MTFR1: variants seen among roughly 807,000 people sequenced by gnomAD.
MTFR1 encodes the protein mitochondrial fission regulator 1.
In MTFR1, 28 loss-of-function variants were observed where a neutral mutation model predicts 38.8. The ratio of observed to expected loss-of-function variants is 0.72; its 90% CI spans 0.53 to 0.99. MTFR1 has a LOEUF of 0.99. Ranked by LOEUF, MTFR1 falls within the 50% of genes least tolerant of loss-of-function variation. MTFR1 has a pLI of 0.00. For synonymous variants in MTFR1, 145 were observed against 137.0 expected (o/e 1.06, Z -0.41); for missense variants, 358 against 395.5 (o/e 0.91, Z 0.81).
At chr8:65,663,579 A>T (rs1425324588) in intron 1 of MTFR1, among the ~76,000 whole-genome samples, 1 of 151,736 alleles carries the variant, frequency 6.6e-6, no homozygotes, top group Non-Finnish European at 1.5e-5. Flanking sequence ...ACTTCACAAA[A>T]TAAGATCTCA....
At chr8:65,740,238 A>G (rs1282611175) in intron 3 of MTFR1, among the ~76,000 whole-genome samples, 1 of 152,156 alleles carries the variant, frequency 6.6e-6, no homozygotes, top group African/African-American at 2.4e-5. Flanking sequence ...AACACTGCCC[A>G]GCAATCATAT....
chr8:65,662,555 G>C lies in MTFR1; in HGVS notation c.-80-7318G>C, dbSNP rs1163701584. On this transcript the variant is annotated intron_variant, in intron 1 of 7. Transcript: ENST00000262146. ...AAGTGAGGAGCGTCTCTGCCTGGCCGCCCATCGTCTGGGATGTGAGGAGCC... is the reference window on the plus strand; with the variant it reads ...AAGTGAGGAGCGTCTCTGCCTGGCCCCCCATCGTCTGGGATGTGAGGAGCC... Among the ~76,000 whole-genome samples, 5 of 140,470 alleles carry C rather than the reference G, an allele frequency of 3.6e-5. 1 individual carries two copies. The highest frequency in any genetic ancestry group is 1.0e-4 in the African/African-American group (4 of 39,284). 92.2% of individuals were successfully genotyped at this position (140,470 alleles called of 152,430 possible).
At chr8:65,730,744 A>G (rs1183790228) in intron 3 of MTFR1, among the ~76,000 whole-genome samples, 5 of 152,022 alleles carry the variant, frequency 3.3e-5, no homozygotes, top group Non-Finnish European at 5.9e-5. Flanking sequence ...CCTGGCCATC[A>G]TGGCAAAACC....
chr8:65,685,298 G>A (rs1338392750), intron 3 of MTFR1, among the ~76,000 whole-genome samples: 1 of 152,138 alleles, frequency 6.6e-6, no homozygotes, highest in African/African-American at 2.4e-5. Context: ...CAGGGCAAGT[G>A]GACATCATTA....
rs574313814 is a variant in MTFR1, at chr8:65,649,036, A to G, written c.-81+4252A>G. Among the ~76,000 whole-genome samples the G allele has an allele frequency of 3.3e-5, 5 of 151,290 alleles. No homozygotes were observed. The South Asian group carries it at 1.0e-3, about 32-fold the overall frequency. On this transcript the variant is annotated intron_variant, in intron 1 of 7. Coordinates refer to ENST00000262146, the MANE Select transcript of MTFR1 (RefSeq NM_014637.4). The stretch of plus-strand genomic sequence containing the variant: ...TATTTGAAAAAACAATGATAAAATA[A>G]CAATATGACAATAAGAAACAATACA...
chr8:65,654,871 C>A (rs1295737286), intron 1 of MTFR1, among the ~76,000 whole-genome samples: 3 of 152,178 alleles, frequency 2.0e-5, no homozygotes, highest in Non-Finnish European at 4.4e-5. Flanking sequence ...GCCACCGTGC[C>A]TGGCCTGGCA....
chr8:65,749,763 T>TA (rs987493312), intron 3 of MTFR1, among the ~76,000 whole-genome samples: 1 of 152,230 alleles, frequency 6.6e-6, no homozygotes, highest in African/African-American at 2.4e-5. Context: ...ACACCTGGAT[T>TA]AAAAAACACA....
chr8:65,723,588 C>G (rs1484014895), intron 3 of MTFR1: 2 of 1,581,152 alleles, frequency 1.3e-6, no homozygotes, highest in African/African-American at 2.7e-5. Context: ...GCAAAGTGGA[C>G]TCACACCCAA....
chr8:65,776,721 C>T, the MTFR1 span, among the ~76,000 whole-genome samples: 3 of 152,176 alleles, frequency 2.0e-5, no homozygotes, highest in Non-Finnish European at 2.9e-5. Context: ...ACTCCCACTA[C>T]GTACTGACTT....
At position 65,690,998 on chromosome 8, in the gene MTFR1, CT is replaced by C. The variant is rs561878887; in HGVS notation, c.166-2645del. 3.7e-4 allele frequency among the ~76,000 whole-genome samples: 56 copies of C among 152,242 alleles called. 1 individual carries two copies. In the South Asian group the frequency reaches 0.012, roughly 32 times the overall value. On this transcript the variant is annotated intron_variant, in intron 3 of 7. Coordinates refer to ENST00000262146, the MANE Select transcript of MTFR1 (RefSeq NM_014637.4). The stretch of plus-strand genomic sequence containing the variant: ...GTAATGGGTAGGAACAGAACATTAC[CT>C]GATTTCTCAACTCTTGAGATCAAAT...
At chr8:65,715,922 G>T (rs1250363858) in intron 2 of MTFR1, among the ~76,000 whole-genome samples, 2 of 146,906 alleles carry the variant, frequency 1.4e-5, no homozygotes, top group African/African-American at 5.0e-5. Context: ...GCGTGAACCC[G>T]GGAGGCGGAA....
intron 3 of MTFR1, chr8:65,745,429 A>G: frequency 6.4e-7 from 1 of 1,571,360 alleles, no homozygotes; most frequent in African/African-American, 1.3e-5. Flanking sequence ...TATCAAATAG[A>G]AAGATATCAA....
At chr8:65,693,062 C>A (rs1805329805) in intron 3 of MTFR1, among the ~76,000 whole-genome samples, 1 of 151,888 alleles carries the variant, frequency 6.6e-6, no homozygotes, top group South Asian at 2.1e-4. Context: ...GTTTCTCATG[C>A]TTAGATTCAA....
intron 3 of MTFR1, among the ~76,000 whole-genome samples, chr8:65,756,785 G>A (rs1256119100): frequency 6.6e-6 from 1 of 151,312 alleles, no homozygotes; most frequent in Non-Finnish European, 1.5e-5. Context: ...TTTTTTTCCT[G>A]TGGGCTATAT....
chr8:65,703,880 A>G (rs1210651777), intron 4 of MTFR1, among the ~76,000 whole-genome samples: 1 of 152,162 alleles, frequency 6.6e-6, no homozygotes, highest in African/African-American at 2.4e-5. Context: ...TAAGGATAGC[A>G]AAACAGATTG....
chr8:65,667,002 C>T (rs1044270241), intron 1 of MTFR1, among the ~76,000 whole-genome samples: 7 of 152,176 alleles, frequency 4.6e-5, no homozygotes, highest in South Asian at 2.1e-4. Context: ...CGGCCAGACG[C>T]GGTGGCTCAC....
chr8:65,692,977 C>A (rs1406163682), intron 3 of MTFR1, among the ~76,000 whole-genome samples: 1 of 150,782 alleles, frequency 6.6e-6, no homozygotes, highest in African/African-American at 2.4e-5. Flanking sequence ...CTCACCGCAA[C>A]CTCCACTTCC....
Position 65,730,171 on chromosome 8 carries a change from C to CTTTTTTTTTTTTTTTT in MTFR1, c.*48+10701_*48+10716dup, listed in dbSNP as rs1179431555. Among the ~76,000 whole-genome samples, 55 of 86,444 alleles carry CTTTTTTTTTTTTTTTT rather than the reference C, an allele frequency of 6.4e-4. 7 individuals carry two copies. Among genetic ancestry groups the CTTTTTTTTTTTTTTTT allele is most frequent in the African/African-American group, 1.3e-3 (28 of 20,936 alleles). 56.7% of individuals were successfully genotyped at this position (86,444 alleles called of 152,430 possible). The stretch of plus-strand genomic sequence containing the variant: ...TGTGAGGGATCCAGGTTGCGCACTT[C>CTTTTTTTTTTTTTTTT]TTTTTTTTTTTTTTTTTTTTTTTTT... On this transcript the variant is annotated intron_variant, in intron 3 of 3. Transcript: ENST00000521247.
the MTFR1 span, among the ~76,000 whole-genome samples, chr8:65,777,393 A>G: frequency 6.6e-6 from 1 of 151,938 alleles, no homozygotes; most frequent in Admixed American, 6.6e-5. Context: ...TTTTATTAAT[A>G]TAGTGAATTA....
Sources: allele counts gnomAD v4.1 joint callset (sites outside exome capture counted in the v4.1 genomes callset), GRCh38; gene constraint gnomAD v4.1.1; transcripts MANE v1.5; gene names NCBI Gene and HGNC (gene_info 2026-07-23, HGNC 2026-07-21).